ELAPOR1: variants seen among roughly 807,000 people sequenced by gnomAD.
ELAPOR1 encodes the protein endosome-lysosome associated apoptosis and autophagy regulator 1, also known as endosome/lysosome-associated apoptosis and autophagy regulator 1.
In ELAPOR1, 77 loss-of-function variants were observed where a neutral mutation model predicts 119.7. That is an observed-to-expected ratio of 0.64 (90% CI 0.54 to 0.78). The LOEUF is 0.78. Ranked by LOEUF, ELAPOR1 falls within the 30% of genes least tolerant of loss-of-function variation. The pLI is 0.00. For missense variants in ELAPOR1, 1,115 were observed against 1,270.4 expected, an observed-to-expected ratio of 0.88 and a Z score of 1.86; for synonymous variants, 481 against 487.2, an observed-to-expected ratio of 0.99 and a Z score of 0.17.
At chr1:109,185,301 C>A (rs545346783) in intron 8 of ELAPOR1, among the ~76,000 whole-genome samples, 168 bp downstream of exon 8, 1 of 151,996 alleles carries the variant, frequency 6.6e-6, no homozygotes, top group South Asian at 2.1e-4. Context: ...CAAAACGAGA[C>A]CTCTTCATTC....
chr1:109,176,451 A>G (rs1188887776), intron 7 of ELAPOR1, among the ~76,000 whole-genome samples: 1 of 152,214 alleles, frequency 6.6e-6, no homozygotes, highest in Non-Finnish European at 1.5e-5. Flanking sequence ...CCCTACAAAG[A>G]CATGCCAAAC....
chr1:109,121,839 T>A (rs1648441478), intron 1 of ELAPOR1, among the ~76,000 whole-genome samples: 1 of 150,670 alleles, frequency 6.6e-6, no homozygotes, highest in African/African-American at 2.4e-5. Context: ...AGTGGCATGA[T>A]CTCAGCTCAC....
chr1:109,161,418 A>AG (rs1216839909), intron 1 of ELAPOR1, among the ~76,000 whole-genome samples: 2 of 149,482 alleles, frequency 1.3e-5, no homozygotes, highest in Non-Finnish European at 3.0e-5. Flanking sequence ...TCAAAAAAAA[A>AG]AAAAAAAAAA....
chr1:109,183,492 G>A (rs1035132267), intron 7 of ELAPOR1, among the ~76,000 whole-genome samples: 1 of 152,158 alleles, frequency 6.6e-6, no homozygotes, highest in Non-Finnish European at 1.5e-5. Flanking sequence ...TTGAAAGGAG[G>A]AGAACATGCA....
rs188148058 is a variant in ELAPOR1 at position 109,193,514 on chromosome 1, C to G, written c.1947+640C>G. On this transcript the variant is annotated intron_variant, in intron 14 of 21. Coordinates refer to ENST00000369939, the MANE Select transcript of ELAPOR1 (RefSeq NM_020775.5). Reference sequence around the variant, plus strand: ...CCTGGGTGACAGAGCAAGACCCTGTCTCTAATTAAAAAAATAAATAAAAAT... The same window carrying G: ...CCTGGGTGACAGAGCAAGACCCTGTGTCTAATTAAAAAAATAAATAAAAAT... Among the ~76,000 whole-genome samples the G allele has an allele frequency of 1.3e-3, 204 of 152,010 alleles. 4 individuals are homozygous for G. The highest frequency in any genetic ancestry group is 3.4e-4 in the Non-Finnish European group (23 of 67,958).
At chr1:109,141,837 T>C (rs976797552) in intron 1 of ELAPOR1, among the ~76,000 whole-genome samples, 1 of 151,894 alleles carries the variant, frequency 6.6e-6, no homozygotes, top group African/African-American at 2.4e-5. Context: ...GGCTAATTTT[T>C]TTTTTTTTCT....
chr1:109,130,796 G>A (rs1011088267), intron 1 of ELAPOR1, among the ~76,000 whole-genome samples: 1 of 152,040 alleles, frequency 6.6e-6, no homozygotes, highest in Non-Finnish European at 1.5e-5. Context: ...GTTACCTATT[G>A]CTTCCTAACA....
intron 7 of ELAPOR1, among the ~76,000 whole-genome samples, chr1:109,182,649 C>T (rs560795674): frequency 1.1e-3 from 168 of 151,992 alleles, no homozygotes; most frequent in Middle Eastern, 0.01. Context: ...AGGCGGATCA[C>T]GAGGTCAGCA....
At chr1:109,149,242 T>G (rs542283996) in intron 1 of ELAPOR1, among the ~76,000 whole-genome samples, 42 of 151,978 alleles carry the variant, frequency 2.8e-4, no homozygotes, top group African/African-American at 9.9e-4. Flanking sequence ...CTCCTTTCTC[T>G]CAGCTGGGAG....
At chr1:109,151,514 A>G (rs1650527777) in intron 1 of ELAPOR1, among the ~76,000 whole-genome samples, 1 of 152,214 alleles carries the variant, frequency 6.6e-6, no homozygotes, top group Admixed American at 6.5e-5. Context: ...AGCAAAAAGT[A>G]CAGAAACCAG....
At chr1:109,149,141 C>T (rs146889083) in intron 1 of ELAPOR1, among the ~76,000 whole-genome samples, 12 of 152,094 alleles carry the variant, frequency 7.9e-5, no homozygotes, top group South Asian at 2.1e-4. Context: ...GAGAAGAGGG[C>T]GCGTCGGGCA....
At chr1:109,175,492 C>T (rs1378009724) in intron 7 of ELAPOR1, among the ~76,000 whole-genome samples, 1 of 150,984 alleles carries the variant, frequency 6.6e-6, no homozygotes, top group Non-Finnish European at 1.5e-5. Flanking sequence ...TGAGCCACCA[C>T]ACCCAGTCAG....
intron 1 of ELAPOR1, among the ~76,000 whole-genome samples, chr1:109,121,061 T>C (rs764327383): frequency 4.7e-4 from 71 of 152,390 alleles, no homozygotes; most frequent in Non-Finnish European, 8.4e-4. Flanking sequence ...AAATAACGCT[T>C]CGTATCCAGA....
chr1:109,115,902 T>G (rs1647965727), intron 1 of ELAPOR1, among the ~76,000 whole-genome samples: 1 of 152,348 alleles, frequency 6.6e-6, no homozygotes, highest in East Asian at 1.9e-4. Flanking sequence ...TATCAGTGAC[T>G]GGCTCACTGG....
At chr1:109,194,629 TGGG>T (rs745881971) in intron 15 of ELAPOR1, 35 bp downstream of exon 15, 58 of 1,594,412 alleles carry the variant, frequency 3.6e-5, no homozygotes, top group Non-Finnish European at 4.8e-5. Context: ...GAAAATTGAA[TGGG>T]GGAGGCCCAT....
chr1:109,169,911 A>C (rs142002679), intron 3 of ELAPOR1, among the ~76,000 whole-genome samples: 1 of 152,344 alleles, frequency 6.6e-6, no homozygotes, highest in African/African-American at 2.4e-5. Context: ...TGTGCACATG[A>C]AACTGCAAAC....
At chr1:109,161,650 C>A (rs991141361) in intron 1 of ELAPOR1, 4 of 351,040 alleles carry the variant, frequency 1.1e-5, no homozygotes, top group Non-Finnish European at 2.2e-5. Flanking sequence ...TTAAACATAA[C>A]AACAAAGAGA....
intron 1 of ELAPOR1, among the ~76,000 whole-genome samples, chr1:109,139,016 C>A (rs1458100877): frequency 6.6e-6 from 1 of 151,916 alleles, no homozygotes; most frequent in Non-Finnish European, 1.5e-5. Context: ...CCTAGTTCTC[C>A]TCCTAGGAAG....
At chr1:109,142,194 A>G (rs2101000953) in intron 1 of ELAPOR1, among the ~76,000 whole-genome samples, 1 of 152,254 alleles carries the variant, frequency 6.6e-6, no homozygotes, top group Admixed American at 6.5e-5. Context: ...CTGAAGAAAG[A>G]AAAAAAGAAA....
Sources: gnomAD v4.1 joint callset for allele counts (sites outside exome capture counted in the v4.1 genomes callset) on GRCh38, gnomAD v4.1.1 for gene constraint, MANE v1.5 for transcripts, NCBI Gene and HGNC (gene_info 2026-07-23, HGNC 2026-07-21) for gene names.